Variants in TCF20 observed in about 807,000 individuals in gnomAD.
The protein encoded by TCF20 is SPRE-binding protein.
TCF20 carries 3 observed loss-of-function variants against 148.6 expected under a neutral mutation model. The ratio of observed to expected loss-of-function variants is 0.02; its 90% CI spans 0.01 to 0.05. The LOEUF is 0.05. Among genes scored for constraint, TCF20 ranks in the 10% least tolerant of loss-of-function variants. The probability of loss-of-function intolerance (pLI) is 1.00; values close to 1 mark genes in which losing one functional copy is unlikely to be tolerated. For synonymous variants in TCF20, 1,049 were observed against 909.5 expected (o/e 1.15, Z -2.76); for missense variants, 2,350 against 2,429.3 (o/e 0.97, Z 0.69).
intron 1 of TCF20, among the ~76,000 whole-genome samples, chr22:42,215,657 G>C (rs1921692604): frequency 1.3e-5 from 2 of 152,082 alleles, no homozygotes; most frequent in Non-Finnish European, 2.9e-5. Context: ...ATTTTTAGTA[G>C]AGACAGGGTT....
At chr22:42,296,428 G>A (rs1025512973) in intron 1 of TCF20, among the ~76,000 whole-genome samples, 4 of 152,234 alleles carry the variant, frequency 2.6e-5, no homozygotes, top group Admixed American at 6.5e-5. Context: ...GAGAGCCAGT[G>A]CAGCTGTGCC....
At chr22:42,204,829 G>A (rs1462803664) in intron 2 of TCF20, among the ~76,000 whole-genome samples, 1 of 152,024 alleles carries the variant, frequency 6.6e-6, no homozygotes, top group African/African-American at 2.4e-5. Flanking sequence ...TGGCAACAGA[G>A]CAAGACTCAT....
rs549867805 is a variant in TCF20 at position 42,178,437 on chromosome 22, T to C, written c.5749+1172A>G. Among the ~76,000 whole-genome samples, 53 of 150,558 alleles carry C rather than the reference T, an allele frequency of 3.5e-4. 1 individual carries two copies. The East Asian group carries it at 5.4e-3, about 15-fold the overall frequency. On this transcript the variant is annotated intron_variant, in intron 3 of 5. Coordinates refer to ENST00000677622, the MANE Select transcript of TCF20 (RefSeq NM_001378418.1). ...TAGGGGCTGCACTAACTCTGCTTAGTATCAGAACCAAGCTAAACTATAGGA... is the reference window on the plus strand; with the variant it reads ...TAGGGGCTGCACTAACTCTGCTTAGCATCAGAACCAAGCTAAACTATAGGA...
rs1231822559 is a variant in TCF20, at chr22:42,289,207, CT to C, written c.-37+54271del. Among the ~76,000 whole-genome samples, 3 of 152,190 alleles carry C rather than the reference CT, an allele frequency of 2.0e-5. No homozygotes were observed. In the East Asian group the frequency reaches 5.8e-4, roughly 29 times the overall value. ...CAGCAGATCTTAAAACAGGCACCCGCTTTTCTCACTTGGACCTCCACTTCAG... is the reference window on the plus strand; with the variant it reads ...CAGCAGATCTTAAAACAGGCACCCGCTTTCTCACTTGGACCTCCACTTCAG... On this transcript the variant is annotated intron_variant, in intron 1 of 1. Transcript: ENST00000515426.
Position 42,210,091 on chromosome 22 carries a change from G to T in TCF20, c.5215C>A (p.Pro1739Thr). 6.2e-7 allele frequency: 1 copy of T among 1,614,052 alleles called. No homozygotes were observed. The part of the protein sequence containing the change: ...YAATLPKNPP[P>T]KRATEMQSKV... ...CTCTGCATTTCTGTGGCCCTCTTAG[G>T]AGGTGGATTCTTCGGGAGAGTGGCT... is the stretch of plus-strand genomic sequence containing the variant. Residue 1739 changes from proline (P) to threonine (T), a missense_variant, in exon 2 of 6, where the codon CCT becomes ACT. Coordinates refer to ENST00000677622, the MANE Select transcript of TCF20 (RefSeq NM_001378418.1). The surrounding 1 kb of genome is among the most constrained non-coding windows in gnomAD (Gnocchi z 4.7).
chr22:42,164,982 G>C (rs966052134), intron 5 of TCF20, among the ~76,000 whole-genome samples: 2 of 152,202 alleles, frequency 1.3e-5, no homozygotes, highest in African/African-American at 4.8e-5. Context: ...GGCTTTGTGT[G>C]GAAGATGACA....
At chr22:42,203,795 T>C (rs766363995) in intron 2 of TCF20, among the ~76,000 whole-genome samples, 58 of 151,822 alleles carry the variant, frequency 3.8e-4, no homozygotes, top group Non-Finnish European at 5.0e-4. Context: ...AGTGTGGGAA[T>C]GTGAGAAAGG....
At chr22:42,312,468 A>G (rs1927553459) in intron 1 of TCF20, among the ~76,000 whole-genome samples, 1 of 151,970 alleles carries the variant, frequency 6.6e-6, no homozygotes, top group Non-Finnish European at 1.5e-5. Context: ...GGAATATACA[A>G]AAGGAGCTAT....
chr22:42,276,966 CT>C (rs1391446354), intron 1 of TCF20: 2 of 152,218 alleles, frequency 1.3e-5, no homozygotes, highest in Non-Finnish European at 2.9e-5. Flanking sequence ...TTTGCTCCCC[CT>C]GGCTCAGAAG....
intron 1 of TCF20, among the ~76,000 whole-genome samples, chr22:42,269,341 C>A (rs553814113): frequency 6.6e-6 from 1 of 152,258 alleles, no homozygotes; most frequent in East Asian, 1.9e-4. Flanking sequence ...CTAATTTTGA[C>A]CTGACCCCTA....
chr22:42,205,417 A>AT (rs1490648619), intron 2 of TCF20, among the ~76,000 whole-genome samples: 1 of 152,234 alleles, frequency 6.6e-6, no homozygotes, highest in African/African-American at 2.4e-5. Context: ...ACTTCCCAAT[A>AT]TTTTAATATA....
chr22:42,166,835 G>A (rs971458423), intron 5 of TCF20, among the ~76,000 whole-genome samples: 10 of 152,138 alleles, frequency 6.6e-5, no homozygotes, highest in African/African-American at 1.7e-4. Flanking sequence ...AATACGCATC[G>A]TGGTCCCCTA....
chr22:42,265,669 T>G (rs1209906537), intron 1 of TCF20, among the ~76,000 whole-genome samples: 2 of 152,194 alleles, frequency 1.3e-5, no homozygotes, highest in Non-Finnish European at 2.9e-5. Flanking sequence ...TAAGGTGCCT[T>G]GAACACAAAG....
Position 42,255,488 on chromosome 22 carries a change from A to AAAAAACAACAAC in TCF20, c.-37+14850_-37+14851insGTTGTTGTTTTT, listed in dbSNP as rs1414851810. On this transcript the variant is annotated intron_variant, in intron 1 of 5. Transcript: ENST00000677622. ...TGGCAACAGAGTGAGACTTCATCTC[A>AAAAAACAACAAC]AACAACAACAACAACAACAACAACA... Among the ~76,000 whole-genome samples the AAAAAACAACAAC allele has an allele frequency of 9.6e-4, 28 of 29,312 alleles. No individual in the cohort carries two copies. In the East Asian group the frequency reaches 9.9e-3, roughly 10 times the overall value. The allele number at this position is 29,312 out of a possible 152,430, so 19.2% of individuals were successfully genotyped here.
In TCF20 at chr22:42,224,574, A is replaced by C. The variant is rs1412813789; in HGVS notation, c.-36-9233T>G. Among the ~76,000 whole-genome samples, 3 of 143,500 alleles carry C rather than the reference A, an allele frequency of 2.1e-5. No homozygotes were observed. The East Asian group carries it at 6.4e-4, about 31-fold the overall frequency. The allele number at this position is 143,500 out of a possible 152,430, so 94.1% of individuals were successfully genotyped here. A position where few individuals can be genotyped will look rare whatever the true frequency, so the allele number is the denominator to read the frequency against. ...AAAAAAAAAAAAAGCACCATAAATG[A>C]TTATGACTCTTGGAAAAGAAAACTG... On this transcript the variant is annotated intron_variant, in intron 1 of 5. Coordinates refer to ENST00000677622, the MANE Select transcript of TCF20 (RefSeq NM_001378418.1).
At position 42,211,911 on chromosome 22, in the gene TCF20, A is replaced by T; in HGVS notation, c.3395T>A (p.Val1132Glu). The stretch of plus-strand genomic sequence containing the variant: ...TTTGTCATTTTTCAGAGGGCTCCGT[A>T]CTCTGTCAAGAAACTGCTGCTGCCT... ...SPRQQQFLDR[V>E]RSPLKNDKDG... The change falls in exon 2 of 6, where the codon GTA becomes GAA. Residue 1132 changes from valine (V) to glutamate (E), a missense_variant. Val to Glu is a moderately radical substitution (Grantham distance 121). Coordinates refer to ENST00000677622, the MANE Select transcript of TCF20 (RefSeq NM_001378418.1). 1 of 1,613,908 alleles carries T rather than the reference A, an allele frequency of 6.2e-7. No homozygotes were observed. Among genetic ancestry groups the T allele is most frequent in the Non-Finnish European group, 8.5e-7 (1 of 1,179,992 alleles).
chr22:42,272,494 G>GC (rs1233261801), upstream of TCF20, among the ~76,000 whole-genome samples: 1 of 152,140 alleles, frequency 6.6e-6, no homozygotes, highest in African/African-American at 2.4e-5. Flanking sequence ...CAGATGCAGG[G>GC]CCCGGGGGAT....
intron 2 of TCF20, among the ~76,000 whole-genome samples, chr22:42,207,830 A>C (rs1028747026): frequency 6.6e-6 from 1 of 152,150 alleles, no homozygotes; most frequent in Non-Finnish European, 1.5e-5. Flanking sequence ...AAGAAAAAAA[A>C]ATCAAGACAT....
chr22:42,247,237 A>C (rs1240224909), intron 1 of TCF20, among the ~76,000 whole-genome samples: 10 of 151,322 alleles, frequency 6.6e-5, no homozygotes, highest in African/African-American at 2.4e-4. Context: ...GTCAGGAGTT[A>C]GAGACCAGCC....
Sources: gnomAD v4.1 joint callset for allele counts (sites outside exome capture counted in the v4.1 genomes callset) on GRCh38, gnomAD v4.1.1 for gene constraint, Gnocchi (gnomAD v3.1) non-coding constraint, MANE v1.5 for transcripts, NCBI Gene and HGNC (gene_info 2026-07-23, HGNC 2026-07-21) for gene names.